The following VEZT variants were observed in gnomAD, a reference collection of about 807,000 sequenced individuals.
VEZT encodes vezatin, adherens junctions transmembrane protein.
VEZT carries 39 observed loss-of-function variants against 79.9 expected under a neutral mutation model. The observed-to-expected ratio is 0.49, with a 90% CI of 0.38 to 0.64. The LOEUF (loss-of-function observed/expected upper bound fraction) is 0.64, where lower values mean the gene tolerates loss of function less well. Among genes scored for constraint, VEZT ranks in the 30% least tolerant of loss-of-function variants. VEZT has a pLI of 0.00. For missense variants in VEZT, 837 were observed against 893.1 expected (o/e 0.94, Z 0.80); for synonymous variants, 325 against 327.6 (o/e 0.99, Z 0.09).
intron 3 of VEZT, chr12:95,258,124 A>G (rs1194666368): frequency 2.5e-6 from 1 of 399,764 alleles, no homozygotes; most frequent in African/African-American, 2.1e-5. Context: ...GCTGACTAAA[A>G]TTACTTTTTT....
At chr12:95,275,421 G>A (rs907885517) in intron 7 of VEZT, among the ~76,000 whole-genome samples, 1 of 152,028 alleles carries the variant, frequency 6.6e-6, no homozygotes, top group Non-Finnish European at 1.5e-5. Context: ...CCAACATGGT[G>A]AAACCCCACC....
At chr12:95,266,753 A>C in intron 5 of VEZT, 121 bp downstream of exon 5, 1 of 933,280 alleles carries the variant, frequency 1.1e-6, no homozygotes, top group Non-Finnish European at 1.5e-6. Flanking sequence ...TTTTCTCTTT[A>C]GTACTTACTA....
chr12:95,260,945 T>A (rs1268878496), intron 3 of VEZT, among the ~76,000 whole-genome samples: 1 of 151,094 alleles, frequency 6.6e-6, no homozygotes, highest in African/African-American at 2.4e-5. Flanking sequence ...AAGAGGCAGT[T>A]GTTCAAATAT....
intron 10 of VEZT, among the ~76,000 whole-genome samples, chr12:95,295,075 A>G (rs1206463910): frequency 3.3e-5 from 5 of 152,230 alleles, no homozygotes; most frequent in African/African-American, 4.8e-5. Flanking sequence ...TGCTTCGTCA[A>G]TGCTGAATAG....
intron 5 of VEZT, among the ~76,000 whole-genome samples, chr12:95,268,177 GT>G (rs1566179129): frequency 2.0e-5 from 3 of 151,838 alleles, no homozygotes; most frequent in African/African-American, 7.3e-5. Context: ...AATTTTAAAA[GT>G]TTAAAAAAAT....
intron 7 of VEZT, among the ~76,000 whole-genome samples, chr12:95,281,350 T>A (rs1432148361): frequency 6.6e-6 from 1 of 152,166 alleles, no homozygotes. Flanking sequence ...TGGTGGTACA[T>A]GCCTGTGTTT....
chr12:95,240,010 A>AGAGACAG (rs1252637935), intron 1 of VEZT, among the ~76,000 whole-genome samples: 3 of 118,088 alleles, frequency 2.5e-5, no homozygotes, highest in African/African-American at 9.1e-5. Flanking sequence ...CAGAGAGAGA[A>AGAGACAG]AGAGAGAAAG....
chr12:95,300,004 C>G, intron 11 of VEZT, 161 bp from the exon 12 acceptor site: 1 of 454,946 alleles, frequency 2.2e-6, no homozygotes, highest in South Asian at 6.6e-5. Context: ...ATAAAGTTTC[C>G]TGGATTTATA....
rs772123676 is a variant in VEZT at position 95,274,788 on chromosome 12, G to T, written c.895G>T (p.Val299Leu). The T allele has an allele frequency of 4.3e-6, 7 of 1,613,870 alleles. No homozygotes were observed. In the Admixed American group the frequency reaches 1.2e-4, roughly 27 times the overall value. ...ESDNVTNYICVVPFKELGLGL... is the reference protein window; with the variant it reads ...ESDNVTNYICLVPFKELGLGL... The stretch of plus-strand genomic sequence containing the variant: ...TGACAATGTAACCAACTACATCTGT[G>T]TGGTGCCTTTTAAAGAGCTGGGCCT... Residue 299 changes from valine (V) to leucine (L), a missense_variant, in exon 7 of 12, where the codon GTG becomes TTG. Physicochemically the swap from Val to Leu is conservative, Grantham distance 32 (BLOSUM62 1). Coordinates refer to ENST00000436874, the MANE Select transcript of VEZT (RefSeq NM_017599.4).
chr12:95,293,463 C>T (rs1220240926), intron 9 of VEZT, among the ~76,000 whole-genome samples: 1 of 151,838 alleles, frequency 6.6e-6, no homozygotes, highest in East Asian at 1.9e-4. Context: ...ACTAAGTAAC[C>T]CTGTCATTAA....
At position 95,268,259 on chromosome 12, in the gene VEZT, G is replaced by C. The variant is rs183016711; in HGVS notation, c.710+1627G>C. Among the ~76,000 whole-genome samples the C allele has an allele frequency of 1.6e-3, 247 of 152,278 alleles. 2 individuals carry two copies. In the East Asian group the frequency reaches 0.022, roughly 13 times the overall value. On this transcript the variant is annotated intron_variant, in intron 5 of 11. Transcript: ENST00000436874. ...ACCTGTAATCCCAGCACTTTGGGAG[G>C]CCGAGGCGGGCGGATCACGAGGTCA...
intron 6 of VEZT, 124 bp downstream of exon 6, chr12:95,270,312 A>G: frequency 1.0e-6 from 1 of 999,958 alleles, no homozygotes; most frequent in Non-Finnish European, 1.4e-6. Flanking sequence ...GCTAATTTCC[A>G]TCATCAATTC....
intron 3 of VEZT, 58 bp downstream of exon 3, chr12:95,257,297 T>G: frequency 7.6e-7 from 1 of 1,320,676 alleles, no homozygotes; most frequent in Non-Finnish European, 1.0e-6. Flanking sequence ...GTGAAATAAT[T>G]GGTGAATCAG....
intron 1 of VEZT, among the ~76,000 whole-genome samples, chr12:95,223,992 A>T (rs1439195137): frequency 6.6e-6 from 1 of 152,120 alleles, no homozygotes; most frequent in African/African-American, 2.4e-5. Context: ...GAAAGTTTTG[A>T]AATGTAGTTT....
chr12:95,287,966 AT>A (rs2071422174), intron 9 of VEZT, 109 bp downstream of exon 9: 1 of 968,426 alleles, frequency 1.0e-6, no homozygotes, highest in African/African-American at 1.7e-5. Context: ...TAGCTTCAAA[AT>A]TTCTTAGTTT....
Position 95,249,214 on chromosome 12 carries a change from A to T in VEZT, c.37-2726A>T, listed in dbSNP as rs80117583. 1.3e-5 allele frequency among the ~76,000 whole-genome samples: 2 copies of T among 152,150 alleles called. 1 individual carries two copies. Among genetic ancestry groups the T allele is most frequent in the Admixed American group, 1.3e-4 (2 of 15,284 alleles). Reference sequence around the variant, plus strand: ...AAAAAGGCTGCTGACCCAGAGTTAGAGTAACTTCCCTTTGATCCATCTTAT... The same window carrying T: ...AAAAAGGCTGCTGACCCAGAGTTAGTGTAACTTCCCTTTGATCCATCTTAT... On this transcript the variant is annotated intron_variant, in intron 1 of 11. Transcript: ENST00000436874.
intron 1 of VEZT, among the ~76,000 whole-genome samples, chr12:95,227,317 T>C (rs11613931): frequency 0.16 from 23,047 of 148,292 alleles, 1,848 homozygotes; most frequent in African/African-American, 0.18. Flanking sequence ...TGTGCCATCA[T>C]GCCCTACTAA....
chr12:95,271,177 T>C (rs1199512643), intron 6 of VEZT, among the ~76,000 whole-genome samples: 1 of 150,126 alleles, frequency 6.7e-6, no homozygotes, highest in African/African-American at 2.4e-5. Context: ...TTTCTCTCTC[T>C]TTCTCTCTCT....
chr12:95,235,617 C>T (rs368860632), intron 1 of VEZT, among the ~76,000 whole-genome samples: 1 of 142,018 alleles, frequency 7.0e-6, no homozygotes, highest in Admixed American at 6.9e-5. Flanking sequence ...TAGGGCCGGC[C>T]GGGCAGAGGC....
Sources: allele counts gnomAD v4.1 joint callset (sites outside exome capture counted in the v4.1 genomes callset), GRCh38; gene constraint gnomAD v4.1.1; transcripts MANE v1.5; gene names NCBI Gene and HGNC (gene_info 2026-07-23, HGNC 2026-07-21).